Variants in PCSK5 observed in about 807,000 individuals in gnomAD.
PCSK5 encodes the protein prohormone convertase 5.
A neutral mutation model predicts 233.2 loss-of-function variants in PCSK5; 129 were observed. The ratio of observed to expected loss-of-function variants is 0.55; its 90% CI spans 0.48 to 0.64. The LOEUF (loss-of-function observed/expected upper bound fraction) is 0.64, where lower values mean the gene tolerates loss of function less well. Ranked by LOEUF, PCSK5 falls within the 30% of genes least tolerant of loss-of-function variation. PCSK5 has a pLI of 0.00. For missense variants in PCSK5, 2,076 were observed against 2,430.1 expected, an observed-to-expected ratio of 0.85 and a Z score of 3.06; for synonymous variants, 825 against 879.2, an observed-to-expected ratio of 0.94 and a Z score of 1.09.
At chr9:75,983,928 G>T (rs1321823785) in intron 2 of PCSK5, among the ~76,000 whole-genome samples, 1 of 151,984 alleles carries the variant, frequency 6.6e-6, no homozygotes, top group African/African-American at 2.4e-5. Flanking sequence ...AAAAATACAG[G>T]GCTATATACA....
chr9:76,092,200 A>C (rs1305129372), intron 7 of PCSK5, among the ~76,000 whole-genome samples: 1 of 152,148 alleles, frequency 6.6e-6, no homozygotes, highest in Non-Finnish European at 1.5e-5. Context: ...TTCTACTGCC[A>C]AGTCTGGAAA....
rs780353180 is a variant in PCSK5, at chr9:76,310,743, C to A, written c.3776C>A (p.Thr1259Lys). Residue 1259 changes from threonine (T) to lysine (K), a missense_variant, in exon 30 of 38, where the codon ACG becomes AAG. Physicochemically the swap from Thr to Lys is moderately conservative, Grantham distance 78. Transcript: ENST00000674117. ...AGGAGTGGGAGCTGCGAGAACTGTA[C>A]GGAGGCCTGTGCCATCTGCTCTGGA... is the stretch of plus-strand genomic sequence containing the variant. Reference protein sequence around the residue: ...SVRSGSCENCTEACAICSGAD... With the variant: ...SVRSGSCENCKEACAICSGAD... 1 of 1,612,340 alleles carries A rather than the reference C, an allele frequency of 6.2e-7. No individual in the cohort carries two copies. Among genetic ancestry groups the A allele is most frequent in the Non-Finnish European group, 8.5e-7 (1 of 1,179,546 alleles).
intron 24 of PCSK5, among the ~76,000 whole-genome samples, chr9:76,272,341 T>C (rs1181830626): frequency 6.6e-6 from 1 of 152,158 alleles, no homozygotes; most frequent in African/African-American, 2.4e-5. Context: ...CTAACTAGTC[T>C]CTCTGATTCC....
At chr9:76,119,760 A>G (rs926694375) in intron 9 of PCSK5, among the ~76,000 whole-genome samples, 4 of 152,110 alleles carry the variant, frequency 2.6e-5, no homozygotes, top group Admixed American at 2.0e-4. Context: ...TGGGATATCC[A>G]TGACACAAGC....
intron 37 of PCSK5, among the ~76,000 whole-genome samples, chr9:76,354,840 T>A (rs35937412): frequency 0.31 from 46,460 of 151,966 alleles, 7,869 homozygotes; most frequent in African/African-American, 0.46. Flanking sequence ...AGACTAGAAC[T>A]CAAGTAGAGC....
Position 76,139,633 on chromosome 9 carries a change from C to T in PCSK5, c.1312+5421C>T, listed in dbSNP as rs986914206. On this transcript the variant is annotated intron_variant, in intron 10 of 37. Transcript: ENST00000674117. Reference sequence around the variant, plus strand: ...AATAAAATGTGCCCCCTGGAAATGCCGCCTAACATATTTTTTTAAGATTCT... The same window carrying T: ...AATAAAATGTGCCCCCTGGAAATGCTGCCTAACATATTTTTTTAAGATTCT... Among the ~76,000 whole-genome samples, 10 of 152,066 alleles carry T rather than the reference C, an allele frequency of 6.6e-5. No individual in the cohort carries two copies. The South Asian group carries it at 8.3e-4, about 13-fold the overall frequency.
chr9:76,057,933 C>T (rs1829882462), intron 5 of PCSK5, among the ~76,000 whole-genome samples: 2 of 148,448 alleles, frequency 1.3e-5, no homozygotes, highest in Admixed American at 1.4e-4. Context: ...AACTCCTGGG[C>T]TCAAGCAATC....
chr9:76,233,767 A>G (rs1229113797), intron 22 of PCSK5, among the ~76,000 whole-genome samples, 171 bp downstream of exon 22: 1 of 152,150 alleles, frequency 6.6e-6, no homozygotes, highest in African/African-American at 2.4e-5. Flanking sequence ...GTCAGTACAC[A>G]AAAAGCTTGT....
chr9:75,896,001 A>G (rs540750666), intron 1 of PCSK5, among the ~76,000 whole-genome samples: 6 of 152,130 alleles, frequency 3.9e-5, no homozygotes, highest in Non-Finnish European at 8.8e-5. Context: ...GTGCTTGCCT[A>G]ATAAATTCTT....
chr9:76,203,803 C>A (rs1825007023), intron 20 of PCSK5, among the ~76,000 whole-genome samples: 1 of 152,140 alleles, frequency 6.6e-6, no homozygotes, highest in Non-Finnish European at 1.5e-5. Context: ...TGTCCTTTTG[C>A]CAGATCCCAA....
At chr9:76,046,851 C>T (rs1299031116) in intron 5 of PCSK5, among the ~76,000 whole-genome samples, 5 of 152,096 alleles carry the variant, frequency 3.3e-5, no homozygotes, top group South Asian at 4.1e-4. Flanking sequence ...TGAGCCACCG[C>T]GCCCGGCCAA....
intron 36 of PCSK5, among the ~76,000 whole-genome samples, chr9:76,353,456 G>A (rs1222176594): frequency 6.6e-6 from 1 of 152,186 alleles, no homozygotes; most frequent in African/African-American, 2.4e-5. Context: ...GAAAACCACA[G>A]TGTAAGCTTG....
chr9:76,063,319 C>CTATTTTTTTTTTT (rs1830101078), intron 5 of PCSK5, among the ~76,000 whole-genome samples: 1 of 59,676 alleles, frequency 1.7e-5, no homozygotes, highest in Non-Finnish European at 3.0e-5. Context: ...TTTCTTTTTT[C>CTATTTTTTTTTTT]TTTTTTTTTT....
chr9:75,935,228 C>A (rs1196916742), intron 2 of PCSK5, among the ~76,000 whole-genome samples: 1 of 152,072 alleles, frequency 6.6e-6, no homozygotes, highest in East Asian at 1.9e-4. Context: ...CCACCACGCC[C>A]AGCTAATTTT....
chr9:76,063,025 C>T (rs972695554), intron 5 of PCSK5, among the ~76,000 whole-genome samples: 9 of 152,204 alleles, frequency 5.9e-5, no homozygotes, highest in Non-Finnish European at 1.0e-4. Context: ...TCAGCTTTCA[C>T]ATATGGGTGA....
intron 10 of PCSK5, among the ~76,000 whole-genome samples, chr9:76,139,193 C>A (rs1823099336): frequency 6.6e-6 from 1 of 152,030 alleles, no homozygotes; most frequent in Non-Finnish European, 1.5e-5. Flanking sequence ...AAAAAGAATT[C>A]AAAGTGCTGA....
chr9:76,040,359 C>T (rs993435597), intron 5 of PCSK5, among the ~76,000 whole-genome samples: 24 of 63,650 alleles, frequency 3.8e-4, no homozygotes, highest in Admixed American at 1.0e-3. Context: ...CTCTCTCTCT[C>T]TCTCTCTCTC....
At chr9:76,128,802 T>A (rs1447926852) in intron 9 of PCSK5, among the ~76,000 whole-genome samples, 5 of 152,202 alleles carry the variant, frequency 3.3e-5, no homozygotes, top group Non-Finnish European at 7.3e-5. Context: ...GGTATTTGGG[T>A]AATACCAATA....
At chr9:76,253,138 G>C (rs1215958400) in intron 24 of PCSK5, among the ~76,000 whole-genome samples, 1 of 152,154 alleles carries the variant, frequency 6.6e-6, no homozygotes, top group African/African-American at 2.4e-5. Flanking sequence ...CAGGGACCTA[G>C]TGCATCATCC....
Sources: allele counts gnomAD v4.1 joint callset (sites outside exome capture counted in the v4.1 genomes callset), GRCh38; gene constraint gnomAD v4.1.1; transcripts MANE v1.5; gene names NCBI Gene and HGNC (gene_info 2026-07-23, HGNC 2026-07-21).